ANKRD36C: variants seen among roughly 807,000 people sequenced by gnomAD.
The protein encoded by ANKRD36C is ankyrin repeat domain 36C, also known as ankyrin repeat domain-containing protein 36C.
A neutral mutation model predicts 276.4 loss-of-function variants in ANKRD36C; 61 were observed. The observed-to-expected ratio is 0.22, with a 90% confidence interval of 0.18 to 0.27. ANKRD36C has a LOEUF of 0.27. ANKRD36C is among the 10% of genes least tolerant of loss of function. ANKRD36C has a pLI of 1.00. For synonymous variants in ANKRD36C, 483 were observed against 680.1 expected, an observed-to-expected ratio of 0.71 and a Z score of 4.51; for missense variants, 1,447 against 2,032.3, an observed-to-expected ratio of 0.71 and a Z score of 5.54.
At chr2:95,950,352 C>T (rs1240153254) in intron 16 of ANKRD36C, among the ~76,000 whole-genome samples, 2 of 152,108 alleles carry the variant, frequency 1.3e-5, no homozygotes, top group African/African-American at 4.8e-5. Flanking sequence ...ACTCTAAAGA[C>T]AGTTAATATA....
At chr2:95,855,317 A>G in exon 63 of ANKRD36C, 6 of 1,608,586 alleles carry the variant, frequency 3.7e-6, no homozygotes, top group Non-Finnish European at 5.1e-6. Flanking sequence ...CTTTCGAATG[A>G]TTCAATTCAT....
At chr2:95,990,492 A>T (rs1286656795) in intron 1 of ANKRD36C, among the ~76,000 whole-genome samples, 2 of 152,218 alleles carry the variant, frequency 1.3e-5, no homozygotes, top group Non-Finnish European at 2.9e-5. Context: ...AATTAACAGC[A>T]CATTTTCATA....
chr2:95,880,150 AC>A (rs1371018384), intron 58 of ANKRD36C, among the ~76,000 whole-genome samples: 6 of 150,370 alleles, frequency 4.0e-5, no homozygotes, highest in African/African-American at 1.5e-4. Context: ...ATTGCACTCC[AC>A]CCTGGGCAAC....
intron 59 of ANKRD36C, among the ~76,000 whole-genome samples, chr2:95,870,282 C>A (rs954502702): frequency 1.3e-5 from 2 of 152,172 alleles, no homozygotes; most frequent in African/African-American, 4.8e-5. Flanking sequence ...GGCAGACTGA[C>A]ACCTCACACA....
chr2:95,924,402 A>G (rs1351593958), intron 30 of ANKRD36C, among the ~76,000 whole-genome samples: 1 of 151,632 alleles, frequency 6.6e-6, no homozygotes, highest in African/African-American at 2.4e-5. Context: ...ATATTTATAC[A>G]AAATGCAATG....
chr2:95,922,398 G>A (rs979037913), intron 32 of ANKRD36C, among the ~76,000 whole-genome samples: 2 of 151,436 alleles, frequency 1.3e-5, no homozygotes, highest in African/African-American at 4.8e-5. Context: ...ATATCCATGT[G>A]GTGCAACAAT....
intron 4 of ANKRD36C, among the ~76,000 whole-genome samples, chr2:95,981,969 A>G (rs540936000): frequency 7.2e-5 from 11 of 152,312 alleles, no homozygotes; most frequent in African/African-American, 2.4e-4. Context: ...TCATACTATA[A>G]ATAACAAACA....
chr2:95,917,920 G>C, exon 36 of ANKRD36C: 2 of 1,606,892 alleles, frequency 1.2e-6, no homozygotes, highest in South Asian at 1.1e-5. Flanking sequence ...TTCCTCGTCA[G>C]TTGTAGCCTG....
chr2:95,870,740 C>A (rs562606011), intron 59 of ANKRD36C, among the ~76,000 whole-genome samples: 1 of 152,008 alleles, frequency 6.6e-6, no homozygotes, highest in Non-Finnish European at 1.5e-5. Flanking sequence ...AAATTCAAAC[C>A]AAAGGCGAAG....
intron 6 of ANKRD36C, among the ~76,000 whole-genome samples, chr2:95,968,977 AC>A (rs1236475064): frequency 6.6e-6 from 1 of 152,148 alleles, no homozygotes; most frequent in East Asian, 1.9e-4. Context: ...CAGGGCACTC[AC>A]CCTCTGGGAA....
At chr2:95,936,354 A>T (rs1188002248) in intron 22 of ANKRD36C, among the ~76,000 whole-genome samples, 3 of 36,316 alleles carry the variant, frequency 8.3e-5, no homozygotes, top group East Asian at 1.5e-3. Flanking sequence ...TAATAATAAT[A>T]AAATAAATAA....
At chr2:95,850,945 C>A (rs76151911), downstream of ANKRD36C, among the ~76,000 whole-genome samples, 1 of 152,172 alleles carries the variant, frequency 6.6e-6, no homozygotes, top group African/African-American at 2.4e-5. Flanking sequence ...AGACTTCTTG[C>A]GATTTTTTAA....
chr2:95,910,493 T>G, intron 42 of ANKRD36C, 47 bp downstream of exon 45: 1 of 1,602,148 alleles, frequency 6.2e-7, no homozygotes, highest in Non-Finnish European at 8.5e-7. Context: ...GTATGTTTCA[T>G]AGACCATACA....
At chr2:95,903,436 C>T (rs1264897722) in intron 42 of ANKRD36C, among the ~76,000 whole-genome samples, 2 of 150,838 alleles carry the variant, frequency 1.3e-5, no homozygotes, top group African/African-American at 4.9e-5. Flanking sequence ...GCAGGTGCTA[C>T]ATGATCCCAC....
At position 95,953,113 on chromosome 2, in the gene ANKRD36C, A is replaced by T. The variant is rs535827931; in HGVS notation, c.1203+826T>A. Among the ~76,000 whole-genome samples, 14 of 152,320 alleles carry T rather than the reference A, an allele frequency of 9.2e-5. No individual in the cohort carries two copies. The South Asian group carries it at 2.1e-3, about 23-fold the overall frequency. On this transcript the variant is annotated intron_variant, in intron 14 of 66. Coordinates refer to ENST00000456556, the Ensembl canonical transcript of ANKRD36C. ...TTATCAAACAGGTTATTTAAACAAA[A>T]TGCATATTTTTCAATTAAATAAAGA...
intron 10 of ANKRD36C, 113 bp downstream of exon 10, chr2:95,960,360 C>A: frequency 1.5e-6 from 2 of 1,321,386 alleles, no homozygotes; most frequent in Non-Finnish European, 2.1e-6. Flanking sequence ...GAATCTCAGG[C>A]CCGCTGAATC....
At chr2:95,855,755 T>C in exon 63 of ANKRD36C, 1 of 1,613,852 alleles carries the variant, frequency 6.2e-7, no homozygotes, top group Non-Finnish European at 8.5e-7. Flanking sequence ...AATTTTCCTG[T>C]AAATGACAAC....
intron 34 of ANKRD36C, among the ~76,000 whole-genome samples, chr2:95,918,476 C>A (rs1259303894): frequency 2.0e-5 from 3 of 151,656 alleles, no homozygotes; most frequent in Admixed American, 6.6e-5. Flanking sequence ...TGCTCTTTAA[C>A]TTGCCCAATA....
At chr2:95,946,174 A>AAAAAC (rs1678044025) in intron 17 of ANKRD36C, among the ~76,000 whole-genome samples, 1 of 150,442 alleles carries the variant, frequency 6.6e-6, no homozygotes, top group Non-Finnish European at 1.5e-5. Context: ...AAAAAAAAAA[A>AAAAAC]AAAACAATAA....
Sources: gnomAD v4.1 joint callset for allele counts (sites outside exome capture counted in the v4.1 genomes callset) on GRCh38, gnomAD v4.1.1 for gene constraint, MANE v1.5 for transcripts, NCBI Gene and HGNC (gene_info 2026-07-23, HGNC 2026-07-21) for gene names.